PPARGC1A: variants seen among roughly 807,000 people sequenced by gnomAD.
The protein encoded by PPARGC1A is peroxisome proliferator-activated receptor gamma coactivator 1-alpha.
A neutral mutation model predicts 88.7 loss-of-function variants in PPARGC1A; 25 were observed. The ratio of observed to expected loss-of-function variants is 0.28; its 90% CI spans 0.21 to 0.39. The LOEUF (loss-of-function observed/expected upper bound fraction) is 0.39. Ranked by LOEUF, PPARGC1A falls within the 10% of genes least tolerant of loss-of-function variation. PPARGC1A has a pLI of 1.00. For missense variants in PPARGC1A, 880 were observed against 968.7 expected (o/e 0.91, Z 1.22); for synonymous variants, 363 against 355.6 (o/e 1.02, Z -0.24).
At chr4:23,922,829 C>A in the PPARGC1A span, among the ~76,000 whole-genome samples, 2 of 152,186 alleles carry the variant, frequency 1.3e-5, no homozygotes, top group African/African-American at 4.8e-5. Flanking sequence ...GGCTTCCACA[C>A]GCAATTTACT....
chr4:24,107,106 T>A, the PPARGC1A span, among the ~76,000 whole-genome samples: 420 of 152,370 alleles, frequency 2.8e-3, 5 homozygotes, highest in East Asian at 0.052. Context: ...TACATTGTAA[T>A]AGCATAATTG....
the PPARGC1A span, among the ~76,000 whole-genome samples, chr4:24,068,692 G>T: frequency 2.0e-5 from 3 of 152,098 alleles, no homozygotes; most frequent in Non-Finnish European, 4.4e-5. Context: ...GAAGGAAAAG[G>T]TATGCAGTAA....
the PPARGC1A span, among the ~76,000 whole-genome samples, chr4:24,231,752 C>CT: frequency 1.3e-5 from 2 of 151,612 alleles, no homozygotes; most frequent in East Asian, 1.9e-4. Context: ...TTTTTTCTTC[C>CT]TTTTTTTGCC....
At chr4:23,931,088 C>T in the PPARGC1A span, among the ~76,000 whole-genome samples, 1 of 152,134 alleles carries the variant, frequency 6.6e-6, no homozygotes, top group Admixed American at 6.5e-5. Context: ...GACAGGGAGT[C>T]ACCTGCTCAC....
chr4:24,002,091 CACACACAG>C, the PPARGC1A span, among the ~76,000 whole-genome samples: 7 of 137,714 alleles, frequency 5.1e-5, no homozygotes, highest in South Asian at 2.6e-4. Flanking sequence ...CACACACACA[CACACACAG>C]AGAGAGAGAG....
chr4:24,387,890 G>T, the PPARGC1A span, among the ~76,000 whole-genome samples: 1 of 109,176 alleles, frequency 9.2e-6, no homozygotes, highest in Non-Finnish European at 1.8e-5. Flanking sequence ...AAGAAAGAAA[G>T]AAAGAAAAAG....
chr4:24,187,667 A>T, the PPARGC1A span, among the ~76,000 whole-genome samples: 1 of 152,204 alleles, frequency 6.6e-6, no homozygotes, highest in South Asian at 2.1e-4. Flanking sequence ...TCATTTATCC[A>T]CCCAGCAAAT....
chr4:24,262,477 G>A, the PPARGC1A span, among the ~76,000 whole-genome samples: 106 of 152,218 alleles, frequency 7.0e-4, 1 homozygote, highest in African/African-American at 2.4e-3. Flanking sequence ...AACATGAAAC[G>A]AACACATCAA....
the PPARGC1A span, among the ~76,000 whole-genome samples, chr4:24,260,557 G>C: frequency 6.6e-6 from 1 of 152,162 alleles, no homozygotes; most frequent in Admixed American, 6.5e-5. Context: ...GGACTGGACA[G>C]GATCCAAGAG....
At chr4:24,241,242 C>T in the PPARGC1A span, among the ~76,000 whole-genome samples, 1 of 150,198 alleles carries the variant, frequency 6.7e-6, no homozygotes, top group Non-Finnish European at 1.5e-5. Flanking sequence ...AAAAGCAAAA[C>T]AAACAAACAA....
the PPARGC1A span, among the ~76,000 whole-genome samples, chr4:24,091,199 T>C: frequency 2.0e-5 from 3 of 152,228 alleles, no homozygotes; most frequent in African/African-American, 7.2e-5. Context: ...AACTTGTTAA[T>C]TCAAGAAACT....
chr4:24,026,773 G>A, the PPARGC1A span, among the ~76,000 whole-genome samples: 3,803 of 152,210 alleles, frequency 0.025, 292 homozygotes, highest in East Asian at 0.2. Flanking sequence ...GGGTGTATAG[G>A]AAAGCTGTGG....
the PPARGC1A span, among the ~76,000 whole-genome samples, chr4:24,282,639 C>T: frequency 0.01 from 1,543 of 152,346 alleles, 33 homozygotes; most frequent in African/African-American, 0.035. Context: ...CCAAGCAGCA[C>T]AGGGCCTAGT....
At chr4:24,125,709 G>A in the PPARGC1A span, among the ~76,000 whole-genome samples, 1 of 152,106 alleles carries the variant, frequency 6.6e-6, no homozygotes, top group African/African-American at 2.4e-5. Context: ...AGAGGTTCAT[G>A]TAAGAGTTGA....
At chr4:23,934,766 G>A in the PPARGC1A span, among the ~76,000 whole-genome samples, 1 of 152,176 alleles carries the variant, frequency 6.6e-6, no homozygotes, top group Non-Finnish European at 1.5e-5. Context: ...TTATTGATAA[G>A]GAAACTGAGG....
At chr4:24,235,410 A>AT in the PPARGC1A span, among the ~76,000 whole-genome samples, 1 of 152,094 alleles carries the variant, frequency 6.6e-6, no homozygotes, top group African/African-American at 2.4e-5. Context: ...TGTAAGGAGG[A>AT]TTTTTCCCAG....
the PPARGC1A span, among the ~76,000 whole-genome samples, chr4:23,955,669 C>A: frequency 2.6e-5 from 4 of 152,018 alleles, no homozygotes; most frequent in African/African-American, 9.7e-5. Flanking sequence ...ACAAGAATAA[C>A]AGATGATTCA....
chr4:24,430,209 A>C, the PPARGC1A span, among the ~76,000 whole-genome samples: 1 of 151,934 alleles, frequency 6.6e-6, no homozygotes, highest in South Asian at 2.1e-4. Context: ...TTCACATAAC[A>C]ACACTAGCCC....
At chr4:24,443,460 G>A in the PPARGC1A span, among the ~76,000 whole-genome samples, 1 of 152,112 alleles carries the variant, frequency 6.6e-6, no homozygotes, top group Non-Finnish European at 1.5e-5. Context: ...GAAAGCACAG[G>A]CAAGAATGAC....
Sources: allele counts gnomAD v4.1 joint callset (sites outside exome capture counted in the v4.1 genomes callset), GRCh38; gene constraint gnomAD v4.1.1; transcripts MANE v1.5; gene names NCBI Gene and HGNC (gene_info 2026-07-23, HGNC 2026-07-21).